BRDT: variants seen among roughly 807,000 people sequenced by gnomAD.
BRDT encodes bromodomain testis associated.
BRDT carries 77 observed loss-of-function variants against 113.9 expected under a neutral mutation model. That is an observed-to-expected ratio of 0.68 (90% CI 0.56 to 0.82). The LOEUF is 0.82. BRDT is among the 40% of genes least tolerant of loss of function. The probability of loss-of-function intolerance (pLI) is 0.00; values close to 1 mark genes in which losing one functional copy is unlikely to be tolerated. For synonymous variants in BRDT, 358 were observed against 366.5 expected (o/e 0.98, Z 0.26); for missense variants, 1,027 against 1,105.4 (o/e 0.93, Z 1.01).
intron 12 of BRDT, among the ~76,000 whole-genome samples, chr1:91,985,763 C>A (rs941765685): frequency 5.3e-4 from 80 of 151,478 alleles, no homozygotes; most frequent in Non-Finnish European, 9.3e-4. Flanking sequence ...CTCAGCCTGC[C>A]GAGCAGCTGG....
intron 8 of BRDT, among the ~76,000 whole-genome samples, chr1:91,980,255 A>C (rs928132366): frequency 2.0e-5 from 3 of 152,128 alleles, no homozygotes; most frequent in Non-Finnish European, 2.9e-5. Flanking sequence ...AAAAAATCAA[A>C]AAAACGAGGC....
Position 91,979,711 on chromosome 1 carries a change from A to T in BRDT, c.1241A>T (p.Asp414Val). 6.2e-7 allele frequency: 1 copy of T among 1,612,148 alleles called. No individual in the cohort carries two copies. Among genetic ancestry groups the T allele is most frequent in the East Asian group, 2.2e-5 (1 of 44,860 alleles). The stretch of plus-strand genomic sequence containing the variant: ...TCCTCTGAAGGGAACTCTTCTGATG[A>T]TTCTGAAGATGAGCGAGTTAAGCGT... ...EASSEGNSSDDSEDERVKRLA... is the reference protein window; with the variant it reads ...EASSEGNSSDVSEDERVKRLA... Residue 414 changes from aspartate (D) to valine (V), a missense_variant, in exon 8 of 19, where the codon GAT becomes GTT. By Grantham distance (152) the Asp-to-Val change is radical. Coordinates refer to ENST00000399546, the MANE Select transcript of BRDT (RefSeq NM_207189.4).
Position 91,994,161 on chromosome 1 carries a change from C to A in BRDT, c.2194C>A (p.Pro732Thr), listed in dbSNP as rs529256672. The A allele has an allele frequency of 6.2e-6, 10 of 1,613,536 alleles. No individual in the cohort carries two copies. The South Asian group carries it at 1.1e-4, about 18-fold the overall frequency. ...HQTTPSHVMP[P>T]NHHQLAFNYQ... ...GACCACACCTTCACATGTAATGCCACCAAATCACCACCAATTAGCATTTAA... is the reference window on the plus strand; with the variant it reads ...GACCACACCTTCACATGTAATGCCAACAAATCACCACCAATTAGCATTTAA... Residue 732 changes from proline (P) to threonine (T), a missense_variant, in exon 15 of 19, where the codon CCA (proline) becomes ACA (threonine). Physicochemically the swap from Pro to Thr is conservative, Grantham distance 38. Coordinates refer to ENST00000399546, the MANE Select transcript of BRDT (RefSeq NM_207189.4).
chr1:91,951,273 G>A (rs1681047331), intron 1 of BRDT, among the ~76,000 whole-genome samples: 1 of 152,186 alleles, frequency 6.6e-6, no homozygotes, highest in African/African-American at 2.4e-5. Flanking sequence ...ACAGTGAGTT[G>A]AACTGTATGA....
At chr1:91,978,092 T>C in intron 6 of BRDT, 76 bp from the exon 7 acceptor site, 2 of 1,334,040 alleles carry the variant, frequency 1.5e-6, no homozygotes, top group Non-Finnish European at 2.1e-6. Context: ...TTTTGTAATA[T>C]GAACATTTAA....
chr1:92,012,638 C>T (rs1344586375), intron 18 of BRDT, among the ~76,000 whole-genome samples: 1 of 152,196 alleles, frequency 6.6e-6, no homozygotes, highest in Non-Finnish European at 1.5e-5. Context: ...GGGCCGGGTG[C>T]AATGGCTCAT....
At chr1:92,013,789 A>G (rs938509718) in intron 18 of BRDT, among the ~76,000 whole-genome samples, 35 of 152,356 alleles carry the variant, frequency 2.3e-4, no homozygotes, top group African/African-American at 8.2e-4. Context: ...TATTATAGTT[A>G]TCTCACATAA....
chr1:91,990,538 T>C (rs1055975169), intron 12 of BRDT, among the ~76,000 whole-genome samples: 1 of 152,244 alleles, frequency 6.6e-6, no homozygotes, highest in Non-Finnish European at 1.5e-5. Context: ...TGAAACCTTA[T>C]CTCTGTTGCA....
In BRDT at chr1:92,005,173, G is replaced by A. The variant is rs755516150; in HGVS notation, c.2649G>A (p.Lys883=). ...VESFSNKIQN[K]CSGEEQKEHQ... ...CTTTTTCAAATAAAATACAAAACAA[G>A]TGCTCTGGAGAAGAGCAGAAAGAAC... The change falls in exon 18 of 19, where the codon AAG becomes AAA. Residue 883 remains lysine, a synonymous_variant. Transcript: ENST00000399546. The A allele has an allele frequency of 2.1e-5, 33 of 1,554,726 alleles. No homozygotes were observed. The highest frequency in any genetic ancestry group is 2.7e-5 in the Non-Finnish European group (31 of 1,156,694).
intron 1 of BRDT, among the ~76,000 whole-genome samples, chr1:91,958,645 A>G (rs539341286): frequency 4.9e-4 from 75 of 152,366 alleles, no homozygotes; most frequent in African/African-American, 1.7e-3. Context: ...TAAAGCTGCT[A>G]TAAACATCCT....
At chr1:91,985,828 C>CG (rs1685181725) in intron 12 of BRDT, among the ~76,000 whole-genome samples, 1 of 150,960 alleles carries the variant, frequency 6.6e-6, no homozygotes, top group Admixed American at 6.6e-5. Context: ...TTAGTAGAGA[C>CG]GGGGTTTCAC....
At chr1:91,962,614 C>T in intron 1 of BRDT, 104 bp from the exon 2 acceptor site, 1 of 629,342 alleles carries the variant, frequency 1.6e-6, no homozygotes, top group South Asian at 3.2e-5. Flanking sequence ...GATTACAGGC[C>T]TGAGCCACTG....
chr1:91,971,948 T>A (rs72954716), intron 4 of BRDT, among the ~76,000 whole-genome samples: 1,712 of 152,230 alleles, frequency 0.011, 29 homozygotes, highest in African/African-American at 0.04. Flanking sequence ...CCTATAAACT[T>A]GCTCTAGTAT....
At chr1:91,953,312 T>C (rs1246780255) in intron 1 of BRDT, among the ~76,000 whole-genome samples, 1 of 152,180 alleles carries the variant, frequency 6.6e-6, no homozygotes, top group Non-Finnish European at 1.5e-5. Context: ...CTGTGCTGTT[T>C]CCTGAGATTG....
chr1:92,002,849 T>C (rs1299407941), intron 16 of BRDT, among the ~76,000 whole-genome samples: 8 of 152,222 alleles, frequency 5.3e-5, no homozygotes, highest in Admixed American at 4.6e-4. Context: ...TATCATTCTT[T>C]CAACAAATAT....
At position 91,977,319 on chromosome 1, in the gene BRDT, G is replaced by T. The variant is rs766822773; in HGVS notation, c.895G>T (p.Val299Phe). Residue 299 changes from valine (V) to phenylalanine (F), a missense_variant, in exon 6 of 19, where the codon GTT (valine) becomes TTT (phenylalanine). Transcript: ENST00000399546. ...FSYAWPFYNPVDVNALGLHNY... is the reference protein window; with the variant it reads ...FSYAWPFYNPFDVNALGLHNY... ...ATATGCATGGCCCTTTTATAATCCT[G>T]TTGACGTTAATGCTTTGGGACTCCA... 1 of 1,613,894 alleles carries T rather than the reference G, an allele frequency of 6.2e-7. No individual in the cohort carries two copies. Among genetic ancestry groups the T allele is most frequent in the Middle Eastern group, 1.7e-4 (1 of 6,058 alleles).
chr1:91,999,965 G>A (rs1383938270), intron 15 of BRDT, among the ~76,000 whole-genome samples: 6 of 152,218 alleles, frequency 3.9e-5, no homozygotes, highest in African/African-American at 7.2e-5. Context: ...AGCCTCAACC[G>A]CCTGGGCTCA....
intron 4 of BRDT, among the ~76,000 whole-genome samples, chr1:91,972,966 C>A (rs539889801): frequency 1.3e-5 from 2 of 152,168 alleles, no homozygotes; most frequent in East Asian, 3.9e-4. Flanking sequence ...AAAAATAAAG[C>A]AGAATAAGAG....
At chr1:91,965,839 C>A (rs1356050044) in intron 3 of BRDT, among the ~76,000 whole-genome samples, 1 of 150,610 alleles carries the variant, frequency 6.6e-6, no homozygotes, top group Non-Finnish European at 1.5e-5. Flanking sequence ...GAGCAAGACA[C>A]CTTCTCAAAA....
Sources: gnomAD v4.1 joint callset for allele counts (sites outside exome capture counted in the v4.1 genomes callset) on GRCh38, gnomAD v4.1.1 for gene constraint, MANE v1.5 for transcripts, NCBI Gene and HGNC (gene_info 2026-07-23, HGNC 2026-07-21) for gene names.